WWP2: variants seen among roughly 807,000 people sequenced by gnomAD.
The protein encoded by WWP2 is WW domain containing E3 ubiquitin protein ligase 2.
WWP2 carries 57 observed loss-of-function variants against 121.0 expected under a neutral mutation model. That is an observed-to-expected ratio of 0.47 (90% confidence interval 0.38 to 0.59). WWP2 has a LOEUF of 0.59. Ranked by LOEUF, WWP2 falls within the 20% of genes least tolerant of loss-of-function variation. The pLI, the probability that WWP2 is intolerant of heterozygous loss-of-function variation, is 0.00. For synonymous variants in WWP2, 449 were observed against 441.3 expected (o/e 1.02, Z -0.22); for missense variants, 962 against 1,158.9 (o/e 0.83, Z 2.47).
chr16:69,837,053 A>G (rs539727427), intron 4 of WWP2, among the ~76,000 whole-genome samples: 2 of 152,194 alleles, frequency 1.3e-5, no homozygotes, highest in Admixed American at 1.3e-4. Context: ...CCTCCTCAGT[A>G]TCTGGGACTA....
intron 2 of WWP2, among the ~76,000 whole-genome samples, chr16:69,790,569 A>C (rs756809259): frequency 1.1e-4 from 16 of 151,648 alleles, no homozygotes; most frequent in Non-Finnish European, 2.2e-4. Context: ...TATGATGTTT[A>C]GCATCTTTTT....
chr16:69,915,050 G>A (rs1485794254), intron 9 of WWP2, among the ~76,000 whole-genome samples: 4 of 152,152 alleles, frequency 2.6e-5, no homozygotes, highest in Non-Finnish European at 4.4e-5. Context: ...CAGAGCGGGT[G>A]TGAGATGGAC....
At chr16:69,926,518 T>C (rs2058642009) in intron 11 of WWP2, among the ~76,000 whole-genome samples, 1 of 152,260 alleles carries the variant, frequency 6.6e-6, no homozygotes, top group South Asian at 2.1e-4. Context: ...TGGAGCTGGA[T>C]CTTCTCGATG....
intron 16 of WWP2, among the ~76,000 whole-genome samples, chr16:69,933,594 C>T (rs1223905084): frequency 1.3e-5 from 2 of 152,186 alleles, no homozygotes; most frequent in Non-Finnish European, 2.9e-5. Context: ...AAACATGCAT[C>T]GTGCCCTTGT....
At chr16:69,777,338 T>C (rs2055556448) in intron 1 of WWP2, among the ~76,000 whole-genome samples, 1 of 152,082 alleles carries the variant, frequency 6.6e-6, no homozygotes, top group Non-Finnish European at 1.5e-5. Flanking sequence ...TCTCATTCTG[T>C]CACCCAGGCT....
intron 4 of WWP2, among the ~76,000 whole-genome samples, chr16:69,820,206 C>T (rs1282647085): frequency 6.6e-6 from 1 of 152,118 alleles, no homozygotes; most frequent in East Asian, 1.9e-4. Context: ...GTACTCCAGC[C>T]TGGGTGACAG....
chr16:69,798,961 C>A, intron 3 of WWP2, 132 bp downstream of exon 3: 1 of 1,402,694 alleles, frequency 7.1e-7, no homozygotes, highest in South Asian at 1.4e-5. Flanking sequence ...CAAGGTGACT[C>A]TTTTTAGGTG....
intron 6 of WWP2, among the ~76,000 whole-genome samples, chr16:69,863,718 T>C (rs1436591376): frequency 1.3e-5 from 2 of 152,218 alleles, no homozygotes; most frequent in African/African-American, 4.8e-5. Flanking sequence ...TGCCCCTTTG[T>C]AGCCAGCTCC....
chr16:69,843,858 AAAAAAAAC>A (rs1040368217), intron 6 of WWP2, among the ~76,000 whole-genome samples: 3 of 151,794 alleles, frequency 2.0e-5, no homozygotes, highest in African/African-American at 4.8e-5. Flanking sequence ...CTATGTCTGT[AAAAAAAAC>A]AAAAAAACAA....
Position 69,880,984 on chromosome 16 carries a change from T to C in WWP2, c.704-7055T>C, listed in dbSNP as rs2057817831. ...GCAAAAGAATTTCCAATTCCTGATCTTTTTTTTGGCTAACTGTGACTAGAG... is the reference window on the plus strand; with the variant it reads ...GCAAAAGAATTTCCAATTCCTGATCCTTTTTTTGGCTAACTGTGACTAGAG... On this transcript the variant is annotated intron_variant, in intron 7 of 23. Transcript: ENST00000359154. Among the ~76,000 whole-genome samples, 5 of 152,120 alleles carry C rather than the reference T, an allele frequency of 3.3e-5. No homozygotes were observed. The South Asian group carries it at 1.0e-3, about 32-fold the overall frequency.
At chr16:69,931,729 T>C (rs1597180357) in intron 15 of WWP2, 73 bp from the exon 16 acceptor site, 1 of 1,576,036 alleles carries the variant, frequency 6.3e-7, no homozygotes, top group Non-Finnish European at 8.7e-7. Context: ...GGCCTTAGAG[T>C]CCCCTGTCCC....
chr16:69,801,924 TTTTA>T (rs1212330945), intron 4 of WWP2, among the ~76,000 whole-genome samples: 2 of 151,850 alleles, frequency 1.3e-5, no homozygotes, highest in East Asian at 1.9e-4. Flanking sequence ...ATATATTTAT[TTTTA>T]TTTATTTATT....
intron 7 of WWP2, among the ~76,000 whole-genome samples, chr16:69,885,630 G>C (rs1372519339): frequency 6.6e-6 from 1 of 152,176 alleles, no homozygotes; most frequent in Non-Finnish European, 1.5e-5. Flanking sequence ...TAGAGGATGT[G>C]CAGAGAGGGA....
rs1050854468 is a variant in WWP2, at chr16:69,935,783, G to T, written c.1843-70G>T. On this transcript the variant is annotated intron_variant, in intron 17 of 23. Transcript: ENST00000359154. The surrounding 1 kb of genome is among the most constrained non-coding windows in gnomAD (Gnocchi z 5.2). ...TAGCGGTAGCAGAGTTTGATACCGAGCATCTGAGAGCTGGTCTTGGCAGTG... is the reference window on the plus strand; with the variant it reads ...TAGCGGTAGCAGAGTTTGATACCGATCATCTGAGAGCTGGTCTTGGCAGTG... 3 of 1,540,768 alleles carry T rather than the reference G, an allele frequency of 1.9e-6. No individual in the cohort carries two copies. The highest frequency in any genetic ancestry group is 2.6e-6 in the Non-Finnish European group (3 of 1,147,046).
At chr16:69,927,853 A>C (rs1346111156) in intron 11 of WWP2, among the ~76,000 whole-genome samples, 2 of 152,092 alleles carry the variant, frequency 1.3e-5, no homozygotes, top group Admixed American at 6.6e-5. Context: ...ATAGAGATGA[A>C]GTCTCGCTGT....
chr16:69,814,282 T>A (rs1567680841), intron 4 of WWP2, among the ~76,000 whole-genome samples: 1 of 152,056 alleles, frequency 6.6e-6, no homozygotes, highest in Non-Finnish European at 1.5e-5. Flanking sequence ...TGCCTCAGCC[T>A]CCAGAGTTGC....
intron 6 of WWP2, among the ~76,000 whole-genome samples, chr16:69,844,218 G>T (rs541974127): frequency 4.6e-5 from 7 of 152,286 alleles, no homozygotes; most frequent in Non-Finnish European, 5.9e-5. Flanking sequence ...TGGGTCTCAC[G>T]GGGTGATGAA....
chr16:69,810,333 T>G (rs2056366424), intron 4 of WWP2, among the ~76,000 whole-genome samples: 1 of 152,228 alleles, frequency 6.6e-6, no homozygotes, highest in Non-Finnish European at 1.5e-5. Flanking sequence ...GCAAAAAGAC[T>G]TGCCCAAAAG....
chr16:69,933,936 A>G (rs990253019), intron 16 of WWP2, 34 bp from the exon 17 acceptor site: 3 of 1,607,514 alleles, frequency 1.9e-6, no homozygotes, highest in Non-Finnish European at 8.5e-7. Context: ...GAAGGGACCC[A>G]TTATTCTTGT....
Sources: allele counts gnomAD v4.1 joint callset (sites outside exome capture counted in the v4.1 genomes callset), GRCh38; gene constraint gnomAD v4.1.1; non-coding constraint Gnocchi (gnomAD v3.1); transcripts MANE v1.5; gene names NCBI Gene and HGNC (gene_info 2026-07-23, HGNC 2026-07-21).